SPAG17: variants seen among roughly 807,000 people sequenced by gnomAD.
The protein encoded by SPAG17 is sperm-associated antigen 17.
A neutral mutation model predicts 273.6 loss-of-function variants in SPAG17; 169 were observed. That is an observed-to-expected ratio of 0.62 (90% CI 0.55 to 0.70). SPAG17 has a LOEUF of 0.70. Among genes scored for constraint, SPAG17 ranks in the 30% least tolerant of loss-of-function variants. SPAG17 has a pLI of 0.00. For synonymous variants in SPAG17, 825 were observed against 873.2 expected (o/e 0.94, Z 0.97); for missense variants, 2,557 against 2,627.8 (o/e 0.97, Z 0.59).
intron 43 of SPAG17, among the ~76,000 whole-genome samples, chr1:117,977,304 G>A (rs1008825661): frequency 2.0e-5 from 3 of 152,128 alleles, no homozygotes; most frequent in South Asian, 2.1e-4. Flanking sequence ...CTGGGCGACA[G>A]AGCAAGACTC....
At chr1:118,016,439 C>A (rs2101804916) in intron 28 of SPAG17, among the ~76,000 whole-genome samples, 1 of 152,252 alleles carries the variant, frequency 6.6e-6, no homozygotes, top group East Asian at 1.9e-4. Context: ...AGCTCACTGT[C>A]TAGGGCACAA....
chr1:118,185,021 GCCTCT>G (rs781767707), intron 1 of SPAG17, 45 bp downstream of exon 1: 5 of 1,518,338 alleles, frequency 3.3e-6, no homozygotes, highest in Non-Finnish European at 4.6e-6. Context: ...GTCTGGCCGG[GCCTCT>G]GGCATTGCCG....
intron 18 of SPAG17, among the ~76,000 whole-genome samples, chr1:118,057,326 C>G (rs1186955021): frequency 6.6e-6 from 1 of 152,140 alleles, no homozygotes; most frequent in Non-Finnish European, 1.5e-5. Flanking sequence ...GCAATAGCCT[C>G]CAACTGGTTT....
At chr1:118,128,126 G>GAAAAAAAA (rs531982552) in intron 3 of SPAG17, among the ~76,000 whole-genome samples, 1 of 130,182 alleles carries the variant, frequency 7.7e-6, no homozygotes, top group Non-Finnish European at 1.7e-5. Flanking sequence ...ATTTCAAAAA[G>GAAAAAAAA]AAAAAAAAAA....
At chr1:118,178,520 G>A (rs1190753543) in intron 1 of SPAG17, among the ~76,000 whole-genome samples, 1 of 151,948 alleles carries the variant, frequency 6.6e-6, no homozygotes, top group Non-Finnish European at 1.5e-5. Context: ...CTAAGATCTG[G>A]AATAGGATGA....
At position 118,081,624 on chromosome 1, in the gene SPAG17, T is replaced by G; in HGVS notation, c.1781A>C (p.Glu594Ala). The change falls in exon 14 of 49, where the codon GAA (glutamate) becomes GCA (alanine). Residue 594 changes from glutamate (E) to alanine (A), a missense_variant. Glu to Ala is a moderately radical substitution (Grantham distance 107). Coordinates refer to ENST00000336338, the MANE Select transcript of SPAG17 (RefSeq NM_206996.4). ...AAACACCTTGAAGGCTCGTTCTACT[T>G]CATTCCAGCTCAAGACATCTGTAAG... ...FCTSDVLSWN[E>A]VERAFKVFTF... The G allele has an allele frequency of 1.9e-6, 3 of 1,613,900 alleles. No individual in the cohort carries two copies.
chr1:118,062,340 C>A (rs1652407922), intron 18 of SPAG17, among the ~76,000 whole-genome samples: 2 of 113,660 alleles, frequency 1.8e-5, no homozygotes, highest in South Asian at 5.6e-4. Flanking sequence ...GCACTCCAGC[C>A]TGGGCGACAG....
In SPAG17 at chr1:117,953,746, G is replaced by C. The variant is rs939555090; in HGVS notation, c.*304C>G. On this transcript the variant is annotated 3_prime_UTR_variant, in exon 49 of 49. Transcript: ENST00000336338. Reference sequence around the variant, plus strand: ...CTTTGATCAATATGTGCTCCTTTCAGGTGTTCCTGGGACCTGCCCTATTCA... The same window carrying C: ...CTTTGATCAATATGTGCTCCTTTCACGTGTTCCTGGGACCTGCCCTATTCA... 3.1e-5 allele frequency: 19 copies of C among 618,924 alleles called. No homozygotes were observed. Among genetic ancestry groups the C allele is most frequent in the Admixed American group, 1.5e-4 (5 of 33,598 alleles). 38.3% of individuals were successfully genotyped at this position (618,924 alleles called of 1,614,324 possible). A position where few individuals can be genotyped will look rare whatever the true frequency, so the allele number is the denominator to read the frequency against.
chr1:117,956,031 C>T (rs531763830), intron 48 of SPAG17, among the ~76,000 whole-genome samples: 1 of 152,214 alleles, frequency 6.6e-6, no homozygotes, highest in East Asian at 1.9e-4. Context: ...AATTTGTTGC[C>T]AGTGTGTGAG....
intron 40 of SPAG17, among the ~76,000 whole-genome samples, chr1:117,987,222 T>C (rs1174648327): frequency 6.6e-6 from 1 of 152,192 alleles, no homozygotes; most frequent in East Asian, 1.9e-4. Flanking sequence ...TAGTTTGACC[T>C]TGTATAGGGG....
chr1:118,090,653 G>A (rs986495495), intron 10 of SPAG17, among the ~76,000 whole-genome samples: 2 of 152,150 alleles, frequency 1.3e-5, no homozygotes, highest in African/African-American at 4.8e-5. Context: ...GGAGGCTTAG[G>A]TGGGAGGTTG....
chr1:117,957,212 A>G, intron 48 of SPAG17: 1 of 1,606,698 alleles, frequency 6.2e-7, no homozygotes, highest in Non-Finnish European at 8.5e-7. Context: ...ATCCTTTTCC[A>G]AAGAATACCA....
intron 4 of SPAG17, among the ~76,000 whole-genome samples, chr1:118,105,347 T>C (rs1656331192): frequency 6.6e-6 from 1 of 152,110 alleles, no homozygotes; most frequent in Non-Finnish European, 1.5e-5. Flanking sequence ...ATTGAAAATG[T>C]TGAGATTGTT....
intron 23 of SPAG17, among the ~76,000 whole-genome samples, chr1:118,037,779 C>T (rs1197580267): frequency 6.6e-6 from 1 of 152,044 alleles, no homozygotes. Flanking sequence ...CATTTCTTTG[C>T]TATCATGAAT....
At chr1:118,024,017 A>C (rs1219302443) in intron 27 of SPAG17, among the ~76,000 whole-genome samples, 2 of 152,174 alleles carry the variant, frequency 1.3e-5, no homozygotes, top group Non-Finnish European at 2.9e-5. Context: ...ATTCTTGTAT[A>C]GGTAACTTGT....
intron 3 of SPAG17, among the ~76,000 whole-genome samples, chr1:118,142,860 G>T (rs539097025): frequency 4.6e-5 from 7 of 152,172 alleles, no homozygotes; most frequent in African/African-American, 1.7e-4. Flanking sequence ...CTAGTGGTAG[G>T]TACTCTGGAG....
At chr1:118,023,609 G>C (rs1647369059) in intron 27 of SPAG17, 146 bp from the exon 28 acceptor site, 1 of 546,298 alleles carries the variant, frequency 1.8e-6, no homozygotes, top group African/African-American at 1.9e-5. Flanking sequence ...GCAGCACAAA[G>C]TAGATTATAG....
At chr1:118,132,438 A>C (rs1019581534) in intron 3 of SPAG17, among the ~76,000 whole-genome samples, 2 of 152,244 alleles carry the variant, frequency 1.3e-5, no homozygotes, top group Non-Finnish European at 2.9e-5. Flanking sequence ...TGACACGATC[A>C]GATATATAAT....
In SPAG17 at chr1:118,023,360, G is replaced by A. The variant is rs1428415217; in HGVS notation, c.4013C>T (p.Ser1338Phe). 3 of 1,612,496 alleles carry A rather than the reference G, an allele frequency of 1.9e-6. No individual in the cohort carries two copies. The highest frequency in any genetic ancestry group is 1.3e-5 in the African/African-American group (1 of 74,842). ...ATPHSGDLMD[S>F]ISQQKSETIP... Reference sequence around the variant, plus strand: ...CGTTTCTGATTTCTGCTGAGAAATAGAGTCCATCAAATCTCCACTGTGAGG... The same window carrying A: ...CGTTTCTGATTTCTGCTGAGAAATAAAGTCCATCAAATCTCCACTGTGAGG... The change falls in exon 28 of 49, where the codon TCT becomes TTT. Residue 1338 changes from serine (S) to phenylalanine (F), a missense_variant. Physicochemically the swap from Ser to Phe is radical, Grantham distance 155. Transcript: ENST00000336338.
Sources: gnomAD v4.1 joint callset for allele counts (sites outside exome capture counted in the v4.1 genomes callset) on GRCh38, gnomAD v4.1.1 for gene constraint, MANE v1.5 for transcripts, NCBI Gene and HGNC (gene_info 2026-07-23, HGNC 2026-07-21) for gene names.